Variants in COG3 observed in about 807,000 individuals in gnomAD.
The protein encoded by COG3 is conserved oligomeric Golgi complex subunit 3.
COG3 carries 32 observed loss-of-function variants against 114.1 expected under a neutral mutation model. The ratio of observed to expected loss-of-function variants is 0.28; its 90% CI spans 0.21 to 0.38. The LOEUF is 0.38. Ranked by LOEUF, COG3 falls within the 10% of genes least tolerant of loss-of-function variation. COG3 has a pLI of 1.00. For synonymous variants in COG3, 352 were observed against 365.7 expected (o/e 0.96, Z 0.43); for missense variants, 813 against 973.2 (o/e 0.84, Z 2.19).
intron 1 of COG3, among the ~76,000 whole-genome samples, chr13:45,473,805 T>C (rs1885675275): frequency 6.7e-6 from 1 of 150,206 alleles, no homozygotes; most frequent in African/African-American, 2.5e-5. Flanking sequence ...AGATGCGGCT[T>C]ATCTCAGCAC....
chr13:45,487,582 GT>G (rs1886747215), intron 8 of COG3, among the ~76,000 whole-genome samples: 1 of 152,162 alleles, frequency 6.6e-6, no homozygotes, highest in African/African-American at 2.4e-5. Context: ...AAGAGACTGA[GT>G]AGACATTTCT....
chr13:45,468,444 A>C (rs1053743068), intron 1 of COG3, among the ~76,000 whole-genome samples: 5 of 152,216 alleles, frequency 3.3e-5, no homozygotes, highest in Non-Finnish European at 5.9e-5. Flanking sequence ...ATTCAGACCA[A>C]AGGTAAGAAA....
chr13:45,524,065 A>G (rs1231411357), intron 19 of COG3, among the ~76,000 whole-genome samples: 1 of 152,166 alleles, frequency 6.6e-6, no homozygotes, highest in Admixed American at 6.5e-5. Context: ...GAAACTAGAA[A>G]TAAAGGGGAG....
intron 16 of COG3, among the ~76,000 whole-genome samples, chr13:45,512,637 T>C (rs950359055): frequency 4.6e-5 from 7 of 150,806 alleles, no homozygotes; most frequent in African/African-American, 1.5e-4. Context: ...CTGGCCTTTT[T>C]TTTTTTCTGA....
At chr13:45,467,148 T>C (rs1395593419) in intron 1 of COG3, among the ~76,000 whole-genome samples, 3 of 152,320 alleles carry the variant, frequency 2.0e-5, no homozygotes, top group Middle Eastern at 3.4e-3. Flanking sequence ...ATGGACTACC[T>C]GAAGCTAGCC....
At position 45,518,946 on chromosome 13, in the gene COG3, A is replaced by G. The variant is rs1335196984; in HGVS notation, c.2020-14A>G. On this transcript the variant is annotated splice_polypyrimidine_tract_variant and intron_variant, in intron 18 of 22. Transcript: ENST00000349995. ...CACATAAAAACAGGAGGAAATTGTT[A>G]TCTTCTTTTTAAGGGTACTCCTGAG... 2 of 1,613,848 alleles carry G rather than the reference A, an allele frequency of 1.2e-6. No individual in the cohort carries two copies. The highest frequency in any genetic ancestry group is 1.3e-5 in the African/African-American group (1 of 74,918).
At chr13:45,497,324 A>G (rs992493033) in intron 13 of COG3, among the ~76,000 whole-genome samples, 1 of 152,204 alleles carries the variant, frequency 6.6e-6, no homozygotes, top group Non-Finnish European at 1.5e-5. Flanking sequence ...CTGAAACAGA[A>G]TTAGAACTTC....
At chr13:45,505,135 C>T (rs1465787371) in intron 14 of COG3, among the ~76,000 whole-genome samples, 1 of 150,872 alleles carries the variant, frequency 6.6e-6, no homozygotes, top group African/African-American at 2.4e-5. Flanking sequence ...TGCCATGAGC[C>T]GAGATTGTGC....
chr13:45,476,970 G>C (rs1885908456), intron 2 of COG3, among the ~76,000 whole-genome samples: 1 of 152,160 alleles, frequency 6.6e-6, no homozygotes, highest in Non-Finnish European at 1.5e-5. Context: ...TCTACAAACC[G>C]ATGAAGAATT....
rs143611782 is a variant in COG3 at position 45,521,886 on chromosome 13, T to C, written c.2154+2792T>C. 2.1e-3 allele frequency among the ~76,000 whole-genome samples: 313 copies of C among 148,858 alleles called. 8 individuals carry two copies. The East Asian group carries it at 0.058, about 28-fold the overall frequency. On this transcript the variant is annotated intron_variant, in intron 19 of 22. Coordinates refer to ENST00000349995, the MANE Select transcript of COG3 (RefSeq NM_031431.4). ...GGCACGATCTCGGCTCACTGCAACC[T>C]CTGCCTCCCGGGTCCAAGCAATTCT...
rs138202873 is a variant in COG3, at chr13:45,535,065, G to A, written c.*334G>A. 3 of 1,080,608 alleles carry A rather than the reference G, an allele frequency of 2.8e-6. No homozygotes were observed. Among genetic ancestry groups the A allele is most frequent in the African/African-American group, 3.3e-5 (2 of 60,726 alleles). The allele number at this position is 1,080,608 out of a possible 1,614,324, so 66.9% of individuals were successfully genotyped here. A position where few individuals can be genotyped will look rare whatever the true frequency, so the allele number is the denominator to read the frequency against. ...GTGCAATAAAAATAGATTACAATAA[G>A]TAGTGCAAAGAACTTTACAGAAATC... On this transcript the variant is annotated 3_prime_UTR_variant, in exon 23 of 23. Coordinates refer to ENST00000349995, the MANE Select transcript of COG3 (RefSeq NM_031431.4).
chr13:45,506,985 C>T (rs781621636), intron 14 of COG3, among the ~76,000 whole-genome samples: 9 of 152,160 alleles, frequency 5.9e-5, no homozygotes, highest in Non-Finnish European at 1.2e-4. Context: ...TGGAGGACGA[C>T]GGAGGCAGAC....
chr13:45,474,484 A>G (rs2985993), intron 1 of COG3, among the ~76,000 whole-genome samples: 136,240 of 152,162 alleles, frequency 0.9, 61,112 homozygotes, highest in African/African-American at 0.92. Context: ...CCTTATAGTA[A>G]CGTTATGATA....
Position 45,534,769 on chromosome 13 carries a change from G to T in COG3, c.*38G>T. On this transcript the variant is annotated 3_prime_UTR_variant, in exon 23 of 23. Coordinates refer to ENST00000349995, the MANE Select transcript of COG3 (RefSeq NM_031431.4). ...GGCTGTGCACCTAAATGTCTGTCTG[G>T]GAGGAGCAGGCTGAGAAGTCTTGCA... 6.5e-7 allele frequency: 1 copy of T among 1,543,146 alleles called. No individual in the cohort carries two copies. The highest frequency in any genetic ancestry group is 1.4e-5 in the African/African-American group (1 of 72,762).
Position 45,464,999 on chromosome 13 carries a change from CCAT to C in COG3, c.-36_-34del. 1 of 1,541,404 alleles carries C rather than the reference CCAT, an allele frequency of 6.5e-7. No homozygotes were observed. Among genetic ancestry groups the C allele is most frequent in the Non-Finnish European group, 8.7e-7 (1 of 1,145,006 alleles). On this transcript the variant is annotated 5_prime_UTR_variant, in exon 1 of 23. Coordinates refer to ENST00000349995, the MANE Select transcript of COG3 (RefSeq NM_031431.4). ...CCAGGTCTCTCTGTCGGGGTCCCCT[CCAT>C]CTCGCTGCTGCTGAAGGCCGCGAGG...
chr13:45,518,286 T>C (rs557270961), intron 17 of COG3, among the ~76,000 whole-genome samples: 3 of 152,362 alleles, frequency 2.0e-5, no homozygotes, highest in Admixed American at 6.5e-5. Context: ...CAGCTAATAC[T>C]TCACATAGAT....
Position 45,491,463 on chromosome 13 carries a change from G to A in COG3, c.1020G>A (p.Glu340=), listed in dbSNP as rs767685260. Residue 340 remains glutamate, a synonymous_variant, in exon 10 of 23, where the codon GAG becomes GAA. Transcript: ENST00000349995. Reference sequence around the variant, plus strand: ...ACCAGTGTTACCTTGATCAGCGGGAGCTCCTTTTGGGCCCTAGTATTGCTT... The same window carrying A: ...ACCAGTGTTACCTTGATCAGCGGGAACTCCTTTTGGGCCCTAGTATTGCTT... ...DIHQCYLDQR[E]LLLGPSIACT... 13 of 1,613,688 alleles carry A rather than the reference G, an allele frequency of 8.1e-6. No homozygotes were observed. The South Asian group carries it at 1.4e-4, about 18-fold the overall frequency.
At chr13:45,470,797 C>T (rs1257619897) in intron 1 of COG3, among the ~76,000 whole-genome samples, 2 of 152,222 alleles carry the variant, frequency 1.3e-5, no homozygotes, top group African/African-American at 2.4e-5. Flanking sequence ...TGTGTATTTT[C>T]AGTTTTTTTA....
chr13:45,474,152 T>TC (rs60787369), intron 1 of COG3, among the ~76,000 whole-genome samples: 1 of 3,022 alleles, frequency 3.3e-4, no homozygotes, highest in African/African-American at 1.1e-3. Context: ...TTTTTTACTC[T>TC]TTTTTTTTTT....
Sources: gnomAD v4.1 joint callset for allele counts (sites outside exome capture counted in the v4.1 genomes callset) on GRCh38, gnomAD v4.1.1 for gene constraint, MANE v1.5 for transcripts, NCBI Gene and HGNC (gene_info 2026-07-23, HGNC 2026-07-21) for gene names.